The following TAF12 variants were observed in gnomAD, a reference collection of about 807,000 sequenced individuals.
TAF12 encodes the protein transcription initiation factor TFIID subunit 12.
In TAF12, 3 loss-of-function variants were observed where a neutral mutation model predicts 20.8. The observed-to-expected ratio is 0.14, with a 90% CI of 0.07 to 0.37. The LOEUF (loss-of-function observed/expected upper bound fraction) is 0.37. TAF12 is among the 10% of genes least tolerant of loss of function. The pLI, the probability that TAF12 is intolerant of heterozygous loss-of-function variation, is 1.00. For missense variants in TAF12, 131 were observed against 197.9 expected (o/e 0.66, Z 2.03); for synonymous variants, 69 against 70.2 (o/e 0.98, Z 0.09).
chr1:28,608,763 T>A (rs1666757273), intron 4 of TAF12, among the ~76,000 whole-genome samples: 2 of 147,098 alleles, frequency 1.4e-5, no homozygotes, highest in Admixed American at 1.4e-4. Context: ...TCAAAGTAAA[T>A]AAATAAATAA....
intron 3 of TAF12, among the ~76,000 whole-genome samples, chr1:28,617,428 C>A (rs1470103753): frequency 1.3e-5 from 2 of 151,992 alleles, no homozygotes; most frequent in East Asian, 3.9e-4. Flanking sequence ...CAGGTACACA[C>A]CACCACGCTC....
At chr1:28,636,814 A>T (rs1452808119) in intron 1 of TAF12, among the ~76,000 whole-genome samples, 2 of 151,900 alleles carry the variant, frequency 1.3e-5, no homozygotes, top group Non-Finnish European at 2.9e-5. Context: ...GAAAAAAAAA[A>T]AATCAACATA....
At chr1:28,629,822 A>T (rs79701671) in intron 1 of TAF12, among the ~76,000 whole-genome samples, 4,092 of 151,984 alleles carry the variant, frequency 0.027, 194 homozygotes, top group African/African-American at 0.094. Flanking sequence ...ATTTTTTTTT[A>T]AAACACGGTG....
intron 2 of TAF12, among the ~76,000 whole-genome samples, chr1:28,619,893 G>A (rs1667155134): frequency 6.6e-6 from 1 of 150,974 alleles, no homozygotes; most frequent in South Asian, 2.1e-4. Flanking sequence ...AGGTTGCAGT[G>A]AGCCAAGATT....
intron 1 of TAF12, chr1:28,642,691 C>A: frequency 1.0e-6 from 1 of 985,576 alleles, no homozygotes; most frequent in Non-Finnish European, 1.2e-6. Flanking sequence ...CCGTTCCTTT[C>A]TGACCCTTTC....
At chr1:28,609,283 T>C (rs893095713) in intron 4 of TAF12, among the ~76,000 whole-genome samples, 3 of 151,142 alleles carry the variant, frequency 2.0e-5, no homozygotes, top group African/African-American at 4.9e-5. Context: ...TCCACGTTGG[T>C]CAGGCTGGTC....
chr1:28,624,501 C>T (rs1289523223), intron 1 of TAF12, among the ~76,000 whole-genome samples: 1 of 152,118 alleles, frequency 6.6e-6, no homozygotes, highest in African/African-American at 2.4e-5. Flanking sequence ...AATCCCAGCA[C>T]TTTGGGAGGC....
intron 1 of TAF12, among the ~76,000 whole-genome samples, chr1:28,630,766 C>G (rs1667590478): frequency 6.6e-6 from 1 of 151,904 alleles, no homozygotes; most frequent in East Asian, 1.9e-4. Context: ...ATAAGTTGGG[C>G]CAGGCGTGGT....
chr1:28,609,246 T>G (rs1340208261), intron 4 of TAF12, among the ~76,000 whole-genome samples: 1 of 151,516 alleles, frequency 6.6e-6, no homozygotes, highest in African/African-American at 2.4e-5. Flanking sequence ...CCGGCTAATT[T>G]TGTATTTTTA....
At chr1:28,628,432 C>A (rs985367074) in intron 1 of TAF12, among the ~76,000 whole-genome samples, 9 of 151,876 alleles carry the variant, frequency 5.9e-5, no homozygotes, top group Admixed American at 1.3e-4. Context: ...TATGAAATGT[C>A]CAGAATAGGC....
At chr1:28,642,034 CA>C (rs1334367032) in intron 1 of TAF12, among the ~76,000 whole-genome samples, 1 of 152,132 alleles carries the variant, frequency 6.6e-6, no homozygotes, top group Non-Finnish European at 1.5e-5. Context: ...CCATCACTGA[CA>C]TTCTTTTATT....
intron 1 of TAF12, among the ~76,000 whole-genome samples, chr1:28,635,185 G>C (rs1181267560): frequency 7.3e-6 from 1 of 136,760 alleles, no homozygotes; most frequent in Non-Finnish European, 1.6e-5. Context: ...AGCCGAGATC[G>C]CGCCACTGCA....
At chr1:28,640,015 G>C (rs539138253) in intron 1 of TAF12, among the ~76,000 whole-genome samples, 31 of 152,204 alleles carry the variant, frequency 2.0e-4, no homozygotes, top group Admixed American at 5.9e-4. Flanking sequence ...GCTAATTTTT[G>C]TATGTTTAGT....
At chr1:28,618,486 GCTTCCCAGCTAGCTGGGA>G (rs1296759609) in intron 2 of TAF12, among the ~76,000 whole-genome samples, 1 of 150,830 alleles carries the variant, frequency 6.6e-6, no homozygotes, top group Non-Finnish European at 1.5e-5. Context: ...TCCCACCTAA[GCTTCCCAGCTAGCTGGGA>G]CCATAGGCAC....
At chr1:28,631,181 T>C (rs1667606525) in intron 1 of TAF12, among the ~76,000 whole-genome samples, 1 of 152,000 alleles carries the variant, frequency 6.6e-6, no homozygotes, top group African/African-American at 2.4e-5. Context: ...GAAAAAATTT[T>C]TTTTTTCAAA....
intron 1 of TAF12, among the ~76,000 whole-genome samples, chr1:28,641,325 A>G (rs867593516): frequency 7.9e-5 from 12 of 152,054 alleles, no homozygotes; most frequent in Middle Eastern, 3.2e-3. Flanking sequence ...TCTACTAAAA[A>G]TACAAAAAGT....
intron 1 of TAF12, among the ~76,000 whole-genome samples, chr1:28,623,511 T>TAAAC (rs1445614017): frequency 6.6e-6 from 1 of 151,698 alleles, no homozygotes; most frequent in Non-Finnish European, 1.5e-5. Context: ...AATAAATAAA[T>TAAAC]AAACTAGAAT....
intron 4 of TAF12, among the ~76,000 whole-genome samples, chr1:28,606,444 T>G (rs557423132): frequency 6.6e-6 from 1 of 151,748 alleles, no homozygotes; most frequent in African/African-American, 2.4e-5. Context: ...TGGCTGTATA[T>G]TTCTATTTTT....
chr1:28,609,686 C>T (rs993276179), intron 4 of TAF12, among the ~76,000 whole-genome samples: 2 of 151,894 alleles, frequency 1.3e-5, no homozygotes, highest in African/African-American at 4.8e-5. Context: ...GGGGTTTCAC[C>T]GTGTTGGCCA....
Sources: allele counts gnomAD v4.1 joint callset (sites outside exome capture counted in the v4.1 genomes callset), GRCh38; gene constraint gnomAD v4.1.1; transcripts MANE v1.5; gene names NCBI Gene and HGNC (gene_info 2026-07-23, HGNC 2026-07-21).